The following FAM83A variants were observed in gnomAD, a reference collection of about 807,000 sequenced individuals.
FAM83A encodes the protein protein FAM83A.
FAM83A carries 21 observed loss-of-function variants against 24.4 expected under a neutral mutation model. The observed-to-expected ratio is 0.86, with a 90% CI of 0.61 to 1.24. The LOEUF (loss-of-function observed/expected upper bound fraction) is 1.24. FAM83A is among the 50% of genes most tolerant of loss of function. The pLI is 0.00. For synonymous variants in FAM83A, 270 were observed against 252.4 expected, an observed-to-expected ratio of 1.07 and a Z score of -0.66; for missense variants, 617 against 579.8, an observed-to-expected ratio of 1.06 and a Z score of -0.66.
chr8:123,190,453 C>G lies in FAM83A; in HGVS notation c.481-1350C>G, dbSNP rs112663814. Among the ~76,000 whole-genome samples, 1,056 of 150,010 alleles carry G rather than the reference C, an allele frequency of 7.0e-3. 5 individuals are homozygous for G. Among genetic ancestry groups the G allele is most frequent in the Middle Eastern group, 0.014 (4 of 290 alleles). ...TTTTTTTTTTTTTTTTTAGTAGAGA[C>G]GAGCTTTCACCATGTTGATCAGGCT... On this transcript the variant is annotated intron_variant, in intron 1 of 3. Coordinates refer to ENST00000690554, the Ensembl canonical transcript of FAM83A.
chr8:123,185,873 C>T (rs1355531320), intron 1 of FAM83A, among the ~76,000 whole-genome samples: 1 of 152,212 alleles, frequency 6.6e-6, no homozygotes, highest in African/African-American at 2.4e-5. Flanking sequence ...TCACTGCAAC[C>T]TCTGCCCCCC....
At chr8:123,185,088 T>C (rs1034370103) in intron 1 of FAM83A, among the ~76,000 whole-genome samples, 1 of 152,184 alleles carries the variant, frequency 6.6e-6, no homozygotes, top group African/African-American at 2.4e-5. Flanking sequence ...CAGTATTTCA[T>C]GTTTCTGTGG....
At chr8:123,189,576 G>A (rs768413875) in intron 1 of FAM83A, among the ~76,000 whole-genome samples, 28 of 152,284 alleles carry the variant, frequency 1.8e-4, no homozygotes, top group African/African-American at 4.6e-4. Flanking sequence ...CAAAGTCACC[G>A]CTCTGCTCAC....
upstream of FAM83A, chr8:123,182,121 C>T (rs554372037): frequency 2.0e-4 from 90 of 456,206 alleles, no homozygotes; most frequent in South Asian, 1.2e-3. Flanking sequence ...AGCGAGGAAG[C>T]GTTGGCCTGA....
At chr8:123,203,716 G>C (rs558651971) in intron 3 of FAM83A, among the ~76,000 whole-genome samples, 10 of 151,986 alleles carry the variant, frequency 6.6e-5, no homozygotes, top group Non-Finnish European at 1.3e-4. Flanking sequence ...GATTAGTGCT[G>C]AGACTCACAA....
chr8:123,191,762 C>T (rs754485228), intron 1 of FAM83A, 41 bp from the exon 2 acceptor site: 14 of 1,606,506 alleles, frequency 8.7e-6, no homozygotes, highest in Non-Finnish European at 1.1e-5. Flanking sequence ...TAGCACCTGC[C>T]CCTGACCTTT....
At chr8:123,206,664 T>C (rs1270365606) in intron 3 of FAM83A, among the ~76,000 whole-genome samples, 1 of 152,160 alleles carries the variant, frequency 6.6e-6, no homozygotes, top group African/African-American at 2.4e-5. Context: ...AGACCAGGGA[T>C]TCGCTCTGGC....
In FAM83A at chr8:123,209,676, T is replaced by G; in HGVS notation, c.*1988T>G. 1 of 1,058,160 alleles carries G rather than the reference T, an allele frequency of 9.5e-7. No individual in the cohort carries two copies. Among genetic ancestry groups the G allele is most frequent in the Non-Finnish European group, 1.4e-6 (1 of 713,686 alleles). 65.5% of individuals were successfully genotyped at this position (1,058,160 alleles called of 1,614,324 possible). ...TTCCAAAGGCCTCAGCCTGTGCCTG[T>G]GTCGAGCTCAGTCCTGGGAGATAGG... On this transcript the variant is annotated 3_prime_UTR_variant, in exon 4 of 4. Transcript: ENST00000690554. The surrounding 1 kb of genome is among the most constrained non-coding windows in gnomAD (Gnocchi z 4.7).
At chr8:123,205,391 T>A (rs1586789968) in intron 3 of FAM83A, among the ~76,000 whole-genome samples, 2 of 152,270 alleles carry the variant, frequency 1.3e-5, no homozygotes, top group African/African-American at 4.8e-5. Flanking sequence ...TTGCCTCCTG[T>A]CCCGTGGCGG....
At chr8:123,201,008 TAGC>T (rs1824339001) in intron 3 of FAM83A, among the ~76,000 whole-genome samples, 2 of 147,220 alleles carry the variant, frequency 1.4e-5, no homozygotes, top group Admixed American at 1.3e-4. Flanking sequence ...AAAAAAAAAT[TAGC>T]TGGTGTGGTG....
upstream of FAM83A, chr8:123,182,124 T>C (rs903100684): frequency 2.2e-6 from 1 of 455,978 alleles, no homozygotes; most frequent in African/African-American, 2.0e-5. Flanking sequence ...GAGGAAGCGT[T>C]GGCCTGAGAA....
At chr8:123,182,633 T>C, upstream of FAM83A, 1 of 752,342 alleles carries the variant, frequency 1.3e-6, no homozygotes, top group South Asian at 1.5e-5. Flanking sequence ...CAGGTGGCCC[T>C]GAGAGATAAG....
At chr8:123,183,058 G>A (rs762857654) in exon 1 of FAM83A, 12 of 1,613,364 alleles carry the variant, frequency 7.4e-6, no homozygotes, top group Non-Finnish European at 1.0e-5. Flanking sequence ...CTCGGTGGAG[G>A]CCCAGTACAT....
chr8:123,202,139 C>T (rs1451836171), intron 3 of FAM83A: 1 of 152,498 alleles, frequency 6.6e-6, no homozygotes, highest in Middle Eastern at 3.4e-3. Context: ...GATCAAACCA[C>T]TTTAAAATCC....
At chr8:123,191,889 T>C in exon 2 of FAM83A, 1 of 1,614,122 alleles carries the variant, frequency 6.2e-7, no homozygotes, top group Non-Finnish European at 8.5e-7. Context: ...GGGTGTTCGT[T>C]TGTGTGCTCC....
intron 3 of FAM83A, chr8:123,202,147 T>G (rs181503505): frequency 6.6e-6 from 1 of 152,446 alleles, no homozygotes; most frequent in Non-Finnish European, 1.5e-5. Flanking sequence ...CACTTTAAAA[T>G]CCTTCAGTAC....
exon 4 of FAM83A, chr8:123,207,295 G>A (rs778379212): frequency 1.2e-6 from 2 of 1,611,420 alleles, no homozygotes; most frequent in Non-Finnish European, 8.5e-7. Context: ...CCCCGCGGCT[G>A]GTCGCCCCCG....
intron 3 of FAM83A, among the ~76,000 whole-genome samples, chr8:123,197,470 C>T (rs1037852658): frequency 1.3e-5 from 2 of 152,218 alleles, no homozygotes; most frequent in African/African-American, 4.8e-5. Context: ...TTTCCAGGCT[C>T]ATCCGAGCTG....
exon 1 of FAM83A, chr8:123,183,052 G>A (rs765335694): frequency 6.2e-7 from 1 of 1,612,984 alleles, no homozygotes; most frequent in Middle Eastern, 1.7e-4. Flanking sequence ...CTTGTCCTCG[G>A]TGGAGGCCCA....
Sources: gnomAD v4.1 joint callset for allele counts (sites outside exome capture counted in the v4.1 genomes callset) on GRCh38, gnomAD v4.1.1 for gene constraint, Gnocchi (gnomAD v3.1) non-coding constraint, MANE v1.5 for transcripts, NCBI Gene and HGNC (gene_info 2026-07-23, HGNC 2026-07-21) for gene names.